SIPA1L1: variants seen among roughly 807,000 people sequenced by gnomAD.
SIPA1L1 encodes signal induced proliferation associated 1 like 1.
In SIPA1L1, 26 loss-of-function variants were observed where a neutral mutation model predicts 162.7. The observed-to-expected ratio is 0.16, with a 90% CI of 0.12 to 0.22. The LOEUF (loss-of-function observed/expected upper bound fraction) is 0.22. Among genes scored for constraint, SIPA1L1 ranks in the 10% least tolerant of loss-of-function variants. The probability of loss-of-function intolerance (pLI) is 1.00; values close to 1 mark genes in which losing one functional copy is unlikely to be tolerated. For synonymous variants in SIPA1L1, 829 were observed against 837.4 expected (o/e 0.99, Z 0.17); for missense variants, 1,874 against 2,241.0 (o/e 0.84, Z 3.31).
At chr14:71,641,469 T>A (rs2041706250) in intron 7 of SIPA1L1, among the ~76,000 whole-genome samples, 1 of 152,188 alleles carries the variant, frequency 6.6e-6, no homozygotes. Context: ...ATGCCTGTAA[T>A]CCCAGCACTT....
intron 18 of SIPA1L1, among the ~76,000 whole-genome samples, chr14:71,724,434 A>G (rs2084038555): frequency 6.6e-6 from 1 of 152,230 alleles, no homozygotes; most frequent in African/African-American, 2.4e-5. Context: ...TAAAACTAAT[A>G]GCTTTATTTA....
At chr14:71,480,143 T>C (rs904069108) in intron 2 of SIPA1L1, among the ~76,000 whole-genome samples, 4 of 151,618 alleles carry the variant, frequency 2.6e-5, no homozygotes, top group Non-Finnish European at 5.9e-5. Flanking sequence ...AGTGCAGTTG[T>C]GTGATCTTGG....
intron 16 of SIPA1L1, among the ~76,000 whole-genome samples, chr14:71,705,947 A>G (rs2082405888): frequency 1.3e-5 from 2 of 151,804 alleles, no homozygotes; most frequent in Non-Finnish European, 2.9e-5. Context: ...TGATACCGCT[A>G]TTGGGACGGG....
At chr14:71,723,980 G>T (rs879614386) in intron 18 of SIPA1L1, 94 bp downstream of exon 18, 1 of 1,457,924 alleles carries the variant, frequency 6.9e-7, no homozygotes, top group Non-Finnish European at 9.3e-7. Context: ...AAAAGAGGCC[G>T]GGCTAGGGGG....
intron 8 of SIPA1L1, among the ~76,000 whole-genome samples, chr14:71,658,020 A>G (rs1372478300): frequency 6.6e-6 from 1 of 152,222 alleles, no homozygotes; most frequent in Admixed American, 6.5e-5. Flanking sequence ...AAATCTTGTT[A>G]TATAAATCTT....
intron 2 of SIPA1L1, among the ~76,000 whole-genome samples, chr14:71,468,413 C>T (rs1407409979): frequency 6.6e-6 from 1 of 152,136 alleles, no homozygotes; most frequent in Non-Finnish European, 1.5e-5. Flanking sequence ...CCTCAGGAAG[C>T]TTACAATCAT....
intron 5 of SIPA1L1, among the ~76,000 whole-genome samples, chr14:71,591,695 G>T (rs1221016268): frequency 6.6e-6 from 1 of 152,148 alleles, no homozygotes; most frequent in East Asian, 1.9e-4. Flanking sequence ...AAACTCTTGT[G>T]AGACCAAGGG....
chr14:71,403,393 T>G (rs2041815672), intron 2 of SIPA1L1, among the ~76,000 whole-genome samples: 1 of 151,480 alleles, frequency 6.6e-6, no homozygotes, highest in Admixed American at 6.6e-5. Context: ...AGGTCGGGAG[T>G]TTAAGACCAA....
chr14:71,687,797 C>T (rs962393327), intron 13 of SIPA1L1, among the ~76,000 whole-genome samples: 3 of 152,100 alleles, frequency 2.0e-5, no homozygotes, highest in African/African-American at 4.8e-5. Context: ...TCAGTAAGTG[C>T]GCCTTCTAGA....
intron 2 of SIPA1L1, among the ~76,000 whole-genome samples, chr14:71,393,154 G>A (rs1566967085): frequency 1.3e-5 from 2 of 152,114 alleles, no homozygotes; most frequent in Non-Finnish European, 2.9e-5. Context: ...ATATGGAGGG[G>A]CATTCCTAGT....
intron 7 of SIPA1L1, among the ~76,000 whole-genome samples, chr14:71,632,320 G>A (rs549800370): frequency 6.6e-6 from 1 of 152,234 alleles, no homozygotes; most frequent in African/African-American, 2.4e-5. Flanking sequence ...CAGCAAACTG[G>A]AAATGCCTAT....
chr14:71,697,731 A>G (rs996041317), intron 13 of SIPA1L1, among the ~76,000 whole-genome samples: 4 of 152,184 alleles, frequency 2.6e-5, no homozygotes, highest in Non-Finnish European at 5.9e-5. Flanking sequence ...TTCTTTCTCT[A>G]TTAGCAAAGC....
rs1473757126 is a variant in SIPA1L1 at position 71,587,870 on chromosome 14, A to G, written c.-3A>G. 2 of 1,600,106 alleles carry G rather than the reference A, an allele frequency of 1.2e-6. No individual in the cohort carries two copies. The highest frequency in any genetic ancestry group is 1.7e-6 in the Non-Finnish European group (2 of 1,168,500). ...GGGATTTAAGTCTACTTGCTTTTAC[A>G]TCATGACCAGCTTGAAACGGTCACA... On this transcript the variant is annotated 5_prime_UTR_variant, in exon 5 of 24. Coordinates refer to ENST00000381232, the MANE Select transcript of SIPA1L1 (RefSeq NM_001386936.1).
At chr14:71,385,686 C>CTT (rs532140419) in intron 2 of SIPA1L1, among the ~76,000 whole-genome samples, 11 of 112,404 alleles carry the variant, frequency 9.8e-5, no homozygotes, top group East Asian at 7.2e-4. Context: ...TTTGTACATT[C>CTT]TTTTTTTTTT....
intron 16 of SIPA1L1, among the ~76,000 whole-genome samples, chr14:71,708,015 GTTTTTTTTTTTTTGTTT>G (rs1223304901): frequency 1.0e-3 from 101 of 100,304 alleles, no homozygotes; most frequent in African/African-American, 3.9e-3. Flanking sequence ...GTTTTTTGGT[GTTTTTTTTTTTTTGTTT>G]TTTTTTTTTT....
chr14:71,428,577 C>G (rs1055478609), intron 2 of SIPA1L1, among the ~76,000 whole-genome samples: 3 of 152,020 alleles, frequency 2.0e-5, no homozygotes, highest in African/African-American at 7.2e-5. Context: ...ATGTCTGGCC[C>G]TTAAAAGGGG....
intron 2 of SIPA1L1, among the ~76,000 whole-genome samples, chr14:71,359,526 A>G (rs1005541666): frequency 1.4e-4 from 21 of 152,322 alleles, no homozygotes; most frequent in African/African-American, 4.6e-4. Flanking sequence ...CTGTTTATAT[A>G]TCCCCAGGAT....
chr14:71,559,108 C>A (rs2056586803), intron 4 of SIPA1L1, among the ~76,000 whole-genome samples: 2 of 150,594 alleles, frequency 1.3e-5, no homozygotes, highest in African/African-American at 4.9e-5. Flanking sequence ...ACTCTTATCT[C>A]CCAGGCTGGA....
At chr14:71,545,330 T>C (rs2055086463) in intron 4 of SIPA1L1, among the ~76,000 whole-genome samples, 1 of 152,224 alleles carries the variant, frequency 6.6e-6, no homozygotes, top group Non-Finnish European at 1.5e-5. Context: ...TAATACTGAG[T>C]ATTCCATTTA....
Sources: gnomAD v4.1 joint callset for allele counts (sites outside exome capture counted in the v4.1 genomes callset) on GRCh38, gnomAD v4.1.1 for gene constraint, MANE v1.5 for transcripts, NCBI Gene and HGNC (gene_info 2026-07-23, HGNC 2026-07-21) for gene names.